EBF1: variants seen among roughly 807,000 people sequenced by gnomAD.
EBF1 encodes the protein transcription factor COE1.
EBF1 carries 10 observed loss-of-function variants against 68.4 expected under a neutral mutation model. The observed-to-expected ratio is 0.15, with a 90% CI of 0.09 to 0.25. The LOEUF (loss-of-function observed/expected upper bound fraction) is 0.25, where lower values mean the gene tolerates loss of function less well. Ranked by LOEUF, EBF1 falls within the 10% of genes least tolerant of loss-of-function variation. The pLI is 1.00. For synonymous variants in EBF1, 298 were observed against 299.8 expected (o/e 0.99, Z 0.06); for missense variants, 509 against 794.4 (o/e 0.64, Z 4.32).
rs1782575062 is a variant in EBF1 at position 159,096,186 on chromosome 5, GA to G, written c.355+156del. 3.9e-6 allele frequency: 3 copies of G among 777,882 alleles called. No homozygotes were observed. In the South Asian group the frequency reaches 5.5e-5, roughly 14 times the overall value. 48.2% of individuals were successfully genotyped at this position (777,882 alleles called of 1,614,324 possible). On this transcript the variant is annotated intron_variant, in intron 3 of 15. Transcript: ENST00000313708. ...TGGGCCACTAGGAGCCTCCTCAGGT[GA>G]AACCTCCTGGGGCGAAATTTAGGAG...
intron 6 of EBF1, among the ~76,000 whole-genome samples, chr5:158,995,709 G>T (rs533572476): frequency 1.3e-5 from 2 of 152,270 alleles, no homozygotes; most frequent in South Asian, 4.2e-4. Context: ...GATGATTTAA[G>T]AAAGAACCCA....
At chr5:159,040,451 C>T (rs978890451) in intron 6 of EBF1, among the ~76,000 whole-genome samples, 1 of 152,110 alleles carries the variant, frequency 6.6e-6, no homozygotes, top group East Asian at 1.9e-4. Flanking sequence ...TTGGCAGTGG[C>T]CTATCTTGAA....
chr5:158,963,260 T>A (rs2127539850), intron 6 of EBF1, among the ~76,000 whole-genome samples: 1 of 152,222 alleles, frequency 6.6e-6, no homozygotes, highest in South Asian at 2.1e-4. Flanking sequence ...CACACTAGAG[T>A]CTTAAAAATG....
chr5:159,065,823 T>A (rs1388815812), intron 6 of EBF1, among the ~76,000 whole-genome samples: 2 of 152,154 alleles, frequency 1.3e-5, no homozygotes, highest in African/African-American at 4.8e-5. Context: ...AAGAAAACAA[T>A]AAAAGAACAA....
intron 7 of EBF1, among the ~76,000 whole-genome samples, chr5:158,833,117 G>A (rs563505587): frequency 1.3e-5 from 2 of 151,896 alleles, no homozygotes; most frequent in South Asian, 4.2e-4. Context: ...TACTTTAAGA[G>A]AGGTTGTCTC....
intron 9 of EBF1, among the ~76,000 whole-genome samples, chr5:158,793,693 G>A (rs767897974): frequency 6.6e-6 from 1 of 152,010 alleles, no homozygotes; most frequent in Non-Finnish European, 1.5e-5. Context: ...AGAATAACAG[G>A]AGTATTGCAT....
chr5:159,082,135 CT>C (rs911626640), intron 5 of EBF1, among the ~76,000 whole-genome samples: 19 of 151,350 alleles, frequency 1.3e-4, no homozygotes, highest in African/African-American at 2.2e-4. Flanking sequence ...CTCATTTTTT[CT>C]TTTTTTTTCC....
At chr5:158,787,708 G>C (rs1777744891) in intron 9 of EBF1, among the ~76,000 whole-genome samples, 1 of 152,186 alleles carries the variant, frequency 6.6e-6, no homozygotes, top group African/African-American at 2.4e-5. Context: ...AAGGGGGAGA[G>C]AGTAGGATGG....
At chr5:158,978,244 C>T (rs1056392433) in intron 6 of EBF1, among the ~76,000 whole-genome samples, 1 of 152,218 alleles carries the variant, frequency 6.6e-6, no homozygotes, top group African/African-American at 2.4e-5. Flanking sequence ...GACATGCGGC[C>T]GCTGTGAGGC....
At chr5:158,852,574 C>T (rs774766858) in intron 6 of EBF1, among the ~76,000 whole-genome samples, 2 of 152,150 alleles carry the variant, frequency 1.3e-5, no homozygotes, top group Non-Finnish European at 2.9e-5. Flanking sequence ...ATCATGCCCA[C>T]AGAGCACTGA....
intron 6 of EBF1, among the ~76,000 whole-genome samples, chr5:159,035,483 T>C (rs1769850088): frequency 6.6e-6 from 1 of 152,150 alleles, no homozygotes. Context: ...GATTGAAGGA[T>C]CTTGGACCAT....
chr5:158,825,857 T>A (rs1785989970), intron 7 of EBF1, among the ~76,000 whole-genome samples: 1 of 152,022 alleles, frequency 6.6e-6, no homozygotes, highest in Admixed American at 6.6e-5. Context: ...CATTTCAATT[T>A]GGAAATATTC....
At chr5:159,029,410 T>C (rs1408182570) in intron 6 of EBF1, among the ~76,000 whole-genome samples, 1 of 152,152 alleles carries the variant, frequency 6.6e-6, no homozygotes, top group Admixed American at 6.5e-5. Flanking sequence ...CTGAGATTTA[T>C]CCCAAGGCTT....
At chr5:158,852,560 G>A (rs931808194) in intron 6 of EBF1, among the ~76,000 whole-genome samples, 1 of 152,086 alleles carries the variant, frequency 6.6e-6, no homozygotes, top group African/African-American at 2.4e-5. Context: ...AATGACCAGC[G>A]AGCATCATGC....
intron 10 of EBF1, among the ~76,000 whole-genome samples, chr5:158,745,972 GC>G (rs1767473968): frequency 1.3e-5 from 2 of 151,898 alleles, no homozygotes; most frequent in Non-Finnish European, 2.9e-5. Context: ...TGAAAGAGAG[GC>G]TTAGCTAAAG....
intron 15 of EBF1, among the ~76,000 whole-genome samples, chr5:158,702,457 G>C (rs980286271): frequency 1.3e-5 from 2 of 152,122 alleles, no homozygotes; most frequent in Non-Finnish European, 2.9e-5. Flanking sequence ...CATGTTCTCT[G>C]ACAGAAGCTC....
At chr5:158,747,781 C>T (rs1177002021) in intron 10 of EBF1, among the ~76,000 whole-genome samples, 1 of 152,122 alleles carries the variant, frequency 6.6e-6, no homozygotes, top group Non-Finnish European at 1.5e-5. Context: ...GACCTTGTGC[C>T]AGTGACTGTG....
intron 6 of EBF1, among the ~76,000 whole-genome samples, chr5:158,993,209 G>C: frequency 6.6e-6 from 1 of 151,844 alleles, no homozygotes; most frequent in Non-Finnish European, 1.5e-5. Context: ...GCTACACCCA[G>C]CTAATTTTTT....
chr5:158,941,613 G>C (rs918569068), intron 6 of EBF1, among the ~76,000 whole-genome samples: 4 of 152,140 alleles, frequency 2.6e-5, no homozygotes, highest in Non-Finnish European at 5.9e-5. Context: ...TAACCATTTT[G>C]TTATGCTATT....
Sources: gnomAD v4.1 joint callset for allele counts (sites outside exome capture counted in the v4.1 genomes callset) on GRCh38, gnomAD v4.1.1 for gene constraint, MANE v1.5 for transcripts, NCBI Gene and HGNC (gene_info 2026-07-23, HGNC 2026-07-21) for gene names.